Variants in PLAGL1 observed in about 807,000 individuals in gnomAD.
PLAGL1 encodes zinc finger protein PLAGL1.
In PLAGL1, 1 loss-of-function variant was observed where a neutral mutation model predicts 4.6. The observed-to-expected ratio is 0.22, with a 90% CI of 0.08 to 1.03. The LOEUF is 1.03. Among genes scored for constraint, PLAGL1 ranks in the 50% least tolerant of loss-of-function variants. PLAGL1 has a pLI of 0.58. For synonymous variants in PLAGL1, 240 were observed against 237.8 expected (o/e 1.01, Z -0.08); for missense variants, 464 against 570.4 (o/e 0.81, Z 1.90).
intron 2 of PLAGL1, among the ~76,000 whole-genome samples, chr6:143,980,862 A>G (rs1316551359): frequency 6.6e-6 from 1 of 152,230 alleles, no homozygotes; most frequent in Non-Finnish European, 1.5e-5. Context: ...ACTTCAAACA[A>G]TTTGATCCTT....
chr6:144,047,302 T>C (rs1798239493), intron 1 of PLAGL1, among the ~76,000 whole-genome samples: 1 of 152,204 alleles, frequency 6.6e-6, no homozygotes, highest in South Asian at 2.1e-4. Context: ...AGCTGCAGAC[T>C]ACAGCTGTTC....
chr6:143,987,986 C>T (rs867646644), intron 1 of PLAGL1, among the ~76,000 whole-genome samples: 8 of 152,292 alleles, frequency 5.3e-5, no homozygotes, highest in African/African-American at 1.2e-4. Context: ...TTTCTAAAAG[C>T]ATATTGTTTA....
Position 143,942,151 on chromosome 6 carries a change from A to G in PLAGL1, c.665T>C (p.Leu222Pro), listed in dbSNP as rs377135913. The G allele has an allele frequency of 3.7e-6, 6 of 1,614,196 alleles. No individual in the cohort carries two copies. The highest frequency in any genetic ancestry group is 5.1e-6 in the Non-Finnish European group (6 of 1,180,032). The change falls in exon 8 of 8, where the codon CTG becomes CCG. Residue 222 changes from leucine (L) to proline (P), a missense_variant. Coordinates refer to ENST00000674357, the MANE Select transcript of PLAGL1 (RefSeq NM_001317162.2). This position sits in a 1 kb window ranked among gnomAD's most constrained non-coding sequence, Gnocchi z 7.6. ...MKESLQTGDL[L>P]STFHTISPSF... ...AGGCGAGATGGTGTGGAAGGTGCTCAGAAGGTCTCCGGTCTGCAAGCTCTC... is the reference window on the plus strand; with the variant it reads ...AGGCGAGATGGTGTGGAAGGTGCTCGGAAGGTCTCCGGTCTGCAAGCTCTC...
In PLAGL1 at chr6:143,941,263, A is replaced by G; in HGVS notation, c.*161T>C. On this transcript the variant is annotated 3_prime_UTR_variant, in exon 8 of 8. Coordinates refer to ENST00000674357, the MANE Select transcript of PLAGL1 (RefSeq NM_001317162.2). This position sits in a 1 kb window ranked among gnomAD's most constrained non-coding sequence, Gnocchi z 6.0. The stretch of plus-strand genomic sequence containing the variant: ...TGAACACTCAGGACAGATTGGCACA[A>G]TACATGCAGTTCGAGAATTCTCTTA... 3.6e-6 allele frequency: 2 copies of G among 555,350 alleles called. No individual in the cohort carries two copies. The highest frequency in any genetic ancestry group is 6.6e-5 in the South Asian group (2 of 30,404). The allele number at this position is 555,350 out of a possible 1,614,324, so 34.4% of individuals were successfully genotyped here.
intron 1 of PLAGL1, among the ~76,000 whole-genome samples, chr6:144,003,595 G>T (rs111664197): frequency 0.01 from 1,443 of 142,742 alleles, 27 homozygotes; most frequent in African/African-American, 0.036. Flanking sequence ...CTGCACTCCA[G>T]CCTGGGTGAT....
Position 143,950,620 on chromosome 6 carries a change from C to G in PLAGL1, c.-324-2160G>C, listed in dbSNP as rs1027610963. 6.6e-6 allele frequency among the ~76,000 whole-genome samples: 1 copy of G among 152,214 alleles called. No individual in the cohort carries two copies. Among genetic ancestry groups the G allele is most frequent in the African/African-American group, 2.4e-5 (1 of 41,454 alleles). ...CATCTTTTTCTCATTCCCTTTATAG[C>G]TGAACTCAAAATAGCACTCGTCCCA... On this transcript the variant is annotated intron_variant, in intron 6 of 7. Coordinates refer to ENST00000674357, the MANE Select transcript of PLAGL1 (RefSeq NM_001317162.2). This position sits in a 1 kb window ranked among gnomAD's most constrained non-coding sequence, Gnocchi z 6.3.
rs181201366 is a variant in PLAGL1, at chr6:143,955,480, A to G, written c.-325+4989T>C. ...CACAAACTCTTGAATTTATGTGGAG[A>G]TGCAGTGAGGAGGGCGGGAAGAGAA... On this transcript the variant is annotated intron_variant, in intron 6 of 7. Coordinates refer to ENST00000674357, the MANE Select transcript of PLAGL1 (RefSeq NM_001317162.2). The surrounding 1 kb of genome is among the most constrained non-coding windows in gnomAD (Gnocchi z 4.9). Among the ~76,000 whole-genome samples, 9 of 152,224 alleles carry G rather than the reference A, an allele frequency of 5.9e-5. No homozygotes were observed. The East Asian group carries it at 1.7e-3, about 29-fold the overall frequency.
At chr6:144,042,446 C>A (rs1001298372) in intron 1 of PLAGL1, among the ~76,000 whole-genome samples, 5 of 152,200 alleles carry the variant, frequency 3.3e-5, no homozygotes, top group African/African-American at 1.2e-4. Context: ...TTCCCCATTT[C>A]TTGTTTTTGT....
intron 1 of PLAGL1, among the ~76,000 whole-genome samples, chr6:144,041,642 T>A (rs897721387): frequency 2.6e-5 from 4 of 152,220 alleles, no homozygotes; most frequent in Non-Finnish European, 5.9e-5. Flanking sequence ...GCAATAAACA[T>A]ACAATATCTG....
chr6:144,008,278 C>G (rs1461986003), upstream of PLAGL1: 2 of 151,936 alleles, frequency 1.3e-5, no homozygotes, highest in Non-Finnish European at 2.9e-5. This position sits in a 1 kb window ranked among gnomAD's most constrained non-coding sequence, Gnocchi z 6.9. Flanking sequence ...ACGCCCCAGC[C>G]GTGTCTAAAT....
At chr6:143,977,678 T>G (rs1208190965) in intron 2 of PLAGL1, among the ~76,000 whole-genome samples, 1 of 151,992 alleles carries the variant, frequency 6.6e-6, no homozygotes, top group Non-Finnish European at 1.5e-5. Context: ...TTTTGTATTT[T>G]TAGTAGAGAC....
rs1799391739 is a variant in PLAGL1 at position 144,061,448 on chromosome 6, C to G, written c.-151+3020G>C. Among the ~76,000 whole-genome samples, 1 of 152,208 alleles carries G rather than the reference C, an allele frequency of 6.6e-6. No individual in the cohort carries two copies. The highest frequency in any genetic ancestry group is 1.5e-5 in the Non-Finnish European group (1 of 68,028). On this transcript the variant is annotated intron_variant, in intron 1 of 3. Transcript: ENST00000437412. This position sits in a 1 kb window ranked among gnomAD's most constrained non-coding sequence, Gnocchi z 4.4. Reference sequence around the variant, plus strand: ...GTGGCCTTTTCACAGCCAGGTGCCTCTGAAACATCGTAGCTGTTAATCCTC... The same window carrying G: ...GTGGCCTTTTCACAGCCAGGTGCCTGTGAAACATCGTAGCTGTTAATCCTC...
In PLAGL1 at chr6:143,969,673, C is replaced by T. The variant is rs144148163; in HGVS notation, c.-543-695G>A. ...GTCAGAACCTTTTTAAGAGCGTCAA[C>T]TAAGAAGAACACTATTCCTTTGGGT... is the stretch of plus-strand genomic sequence containing the variant. On this transcript the variant is annotated intron_variant, in intron 2 of 7. Coordinates refer to ENST00000674357, the MANE Select transcript of PLAGL1 (RefSeq NM_001317162.2). 2.6e-5 allele frequency among the ~76,000 whole-genome samples: 4 copies of T among 151,088 alleles called. No homozygotes were observed. In the East Asian group the frequency reaches 5.8e-4, roughly 22 times the overall value.
Position 144,063,365 on chromosome 6 carries a change from C to T in PLAGL1, c.-151+1103G>A, listed in dbSNP as rs1315753483. 1.3e-5 allele frequency among the ~76,000 whole-genome samples: 2 copies of T among 152,112 alleles called. No individual in the cohort carries two copies. The highest frequency in any genetic ancestry group is 2.4e-5 in the African/African-American group (1 of 41,424). Reference sequence around the variant, plus strand: ...TTCTCCTTCCTGATGCCTAACTAGGCGTCCCCAGCCATATCCCCGGGGCAG... The same window carrying T: ...TTCTCCTTCCTGATGCCTAACTAGGTGTCCCCAGCCATATCCCCGGGGCAG... On this transcript the variant is annotated intron_variant, in intron 1 of 3. Transcript: ENST00000437412. The surrounding 1 kb of genome is among the most constrained non-coding windows in gnomAD (Gnocchi z 5.7).
chr6:144,010,324 G>A (rs2128687279), upstream of PLAGL1, among the ~76,000 whole-genome samples: 1 of 152,268 alleles, frequency 6.6e-6, no homozygotes, highest in African/African-American at 2.4e-5. The surrounding 1 kb of genome is among the most constrained non-coding windows in gnomAD (Gnocchi z 4.1). Flanking sequence ...AAATAAGAGA[G>A]CCAACACATG....
intron 1 of PLAGL1, among the ~76,000 whole-genome samples, chr6:144,042,366 G>A (rs1797810762): frequency 1.3e-5 from 2 of 152,094 alleles, no homozygotes; most frequent in Admixed American, 6.6e-5. Context: ...TGAAAGGAAG[G>A]GATCCAGTTT....
Position 143,968,418 on chromosome 6 carries a change from G to A in PLAGL1, c.-472+489C>T, listed in dbSNP as rs1784833178. The A allele has an allele frequency of 6.6e-6, 1 of 151,310 alleles. No individual in the cohort carries two copies. Among genetic ancestry groups the A allele is most frequent in the South Asian group, 2.1e-4 (1 of 4,796 alleles). The allele number at this position is 151,310 out of a possible 1,614,324, so 9.4% of individuals were successfully genotyped here. A position where few individuals can be genotyped will look rare whatever the true frequency, so the allele number is the denominator to read the frequency against. ...TTAGAGACTCTGAATTGTAACATAC[G>A]TTACATTCTAGATATCTGATTCTAA... is the stretch of plus-strand genomic sequence containing the variant. On this transcript the variant is annotated intron_variant, in intron 3 of 7. Coordinates refer to ENST00000674357, the MANE Select transcript of PLAGL1 (RefSeq NM_001317162.2). The surrounding 1 kb of genome is among the most constrained non-coding windows in gnomAD (Gnocchi z 6.3).
rs562539391 is a variant in PLAGL1, at chr6:143,948,208, C to T, written c.-72G>A. On this transcript the variant is annotated 5_prime_UTR_variant, in exon 7 of 8. Transcript: ENST00000674357. This position sits in a 1 kb window ranked among gnomAD's most constrained non-coding sequence, Gnocchi z 6.0. The stretch of plus-strand genomic sequence containing the variant: ...CTGTGCCATTTAAGCACAAACAGAA[C>T]GATGGTGCTGGGCACATCAGCAGAG... The T allele has an allele frequency of 2.1e-5, 30 of 1,408,508 alleles. No individual in the cohort carries two copies. The highest frequency in any genetic ancestry group is 6.9e-5 in the East Asian group (3 of 43,224). The allele number at this position is 1,408,508 out of a possible 1,614,324, so 87.3% of individuals were successfully genotyped here.
rs140884531 is a variant in PLAGL1 at position 144,001,652 on chromosome 6, AG to A, written c.-584+6437del. The stretch of plus-strand genomic sequence containing the variant: ...TTCTCCTAACAAATAGACCATGGAA[AG>A]GGGGAAAAAGTAACATTACAATAAG... On this transcript the variant is annotated intron_variant, in intron 1 of 7. Coordinates refer to ENST00000674357, the MANE Select transcript of PLAGL1 (RefSeq NM_001317162.2). Among the ~76,000 whole-genome samples the A allele has an allele frequency of 4.3e-3, 661 of 152,248 alleles. 5 individuals are homozygous for A. Among genetic ancestry groups the A allele is most frequent in the Non-Finnish European group, 6.4e-3 (433 of 67,974 alleles).
Sources: allele counts gnomAD v4.1 joint callset (sites outside exome capture counted in the v4.1 genomes callset), GRCh38; gene constraint gnomAD v4.1.1; non-coding constraint Gnocchi (gnomAD v3.1); transcripts MANE v1.5; gene names NCBI Gene and HGNC (gene_info 2026-07-23, HGNC 2026-07-21).